The following TRPM3 variants were observed in gnomAD, a reference collection of about 807,000 sequenced individuals.
TRPM3 encodes the protein transient receptor potential cation channel subfamily M member 3.
A neutral mutation model predicts 181.2 loss-of-function variants in TRPM3; 77 were observed. That is an observed-to-expected ratio of 0.42 (90% confidence interval 0.35 to 0.51). The LOEUF is 0.51. Ranked by LOEUF, TRPM3 falls within the 20% of genes least tolerant of loss-of-function variation. The pLI, the probability that TRPM3 is intolerant of heterozygous loss-of-function variation, is 0.01. For missense variants in TRPM3, 1,759 were observed against 2,196.7 expected (o/e 0.80, Z 3.98); for synonymous variants, 745 against 796.4 (o/e 0.94, Z 1.09).
intron 1 of TRPM3, among the ~76,000 whole-genome samples, chr9:71,012,639 A>G (rs1236186769): frequency 6.6e-6 from 1 of 151,934 alleles, no homozygotes; most frequent in African/African-American, 2.4e-5. Flanking sequence ...AGTTTTCCTC[A>G]TACAGAGCTG....
chr9:71,093,501 G>T (rs1160788018), intron 1 of TRPM3, among the ~76,000 whole-genome samples: 1 of 152,048 alleles, frequency 6.6e-6, no homozygotes, highest in Non-Finnish European at 1.5e-5. Context: ...TATCAGCACT[G>T]GTCATTAGTG....
chr9:71,106,764 C>A (rs2069684617), intron 1 of TRPM3, among the ~76,000 whole-genome samples: 2 of 152,146 alleles, frequency 1.3e-5, no homozygotes, highest in South Asian at 4.1e-4. Flanking sequence ...TGTTATCATT[C>A]TGGATGAAAA....
chr9:70,921,111 G>A (rs1465267957), intron 1 of TRPM3, among the ~76,000 whole-genome samples: 1 of 152,050 alleles, frequency 6.6e-6, no homozygotes, highest in Non-Finnish European at 1.5e-5. Flanking sequence ...TCATGCTCAC[G>A]TCCTCTTCAT....
At chr9:71,200,731 T>A (rs1350489860) in intron 1 of TRPM3, among the ~76,000 whole-genome samples, 1 of 152,234 alleles carries the variant, frequency 6.6e-6, no homozygotes, top group Admixed American at 6.5e-5. Flanking sequence ...GCTTGGTAGA[T>A]CTTCCTCCAT....
At chr9:70,741,667 T>C (rs1394275205) in intron 8 of TRPM3, among the ~76,000 whole-genome samples, 2 of 152,184 alleles carry the variant, frequency 1.3e-5, no homozygotes, top group East Asian at 3.9e-4. Context: ...AATGATGGCA[T>C]TCATAGCAAC....
chr9:71,220,024 A>T (rs1228378413), intron 1 of TRPM3, among the ~76,000 whole-genome samples: 1 of 152,198 alleles, frequency 6.6e-6, no homozygotes, highest in Non-Finnish European at 1.5e-5. Context: ...TTCACTAGTG[A>T]GAAAGAAGTT....
At chr9:70,618,087 TTCTG>T (rs918819702) in intron 17 of TRPM3, among the ~76,000 whole-genome samples, 165 of 152,274 alleles carry the variant, frequency 1.1e-3, no homozygotes, top group African/African-American at 3.7e-3. Flanking sequence ...TCCCATTTTT[TTCTG>T]TCTTTCTTTT....
In TRPM3 at chr9:70,864,525, C is replaced by CAAAAAAAA. The variant is rs71367234; in HGVS notation, c.178-22_178-15dup. The CAAAAAAAA allele has an allele frequency of 1.8e-3, 1,603 of 898,754 alleles. 2 individuals are homozygous for CAAAAAAAA. The highest frequency in any genetic ancestry group is 7.4e-3 in the South Asian group (194 of 26,204). 55.7% of individuals were successfully genotyped at this position (898,754 alleles called of 1,614,324 possible). ...GGATTTCTGAGCCTGAAAAAGAAAA[C>CAAAAAAAA]AAAAAAAAAAAAAAAAGAAAAAAGA... On this transcript the variant is annotated splice_polypyrimidine_tract_variant and intron_variant, in intron 1 of 25. Transcript: ENST00000677713.
intron 1 of TRPM3, among the ~76,000 whole-genome samples, chr9:70,938,566 G>A (rs1193114313): frequency 2.6e-5 from 4 of 151,842 alleles, no homozygotes; most frequent in Non-Finnish European, 5.9e-5. Context: ...TCCATTGTCA[G>A]CCCCCTTCTC....
Position 70,998,036 on chromosome 9 carries a change from G to A in TRPM3, c.177+123142C>T, listed in dbSNP as rs11142664. ...ATATGCTTTCAAGACTGTTCCGATT[G>A]TTCTCGGGTTATGGGTGTTGCTGAG... On this transcript the variant is annotated intron_variant, in intron 1 of 25. Transcript: ENST00000677713. Among the ~76,000 whole-genome samples the A allele has an allele frequency of 6.6e-5, 10 of 151,522 alleles. No homozygotes were observed. The East Asian group carries it at 1.9e-3, about 29-fold the overall frequency.
At chr9:71,345,559 G>C (rs777069217) in intron 1 of TRPM3, among the ~76,000 whole-genome samples, 2 of 151,868 alleles carry the variant, frequency 1.3e-5, no homozygotes, top group African/African-American at 2.4e-5. Flanking sequence ...TGGACACAGA[G>C]AGGGGAACAT....
At chr9:70,672,111 C>G (rs1172461359) in intron 9 of TRPM3, among the ~76,000 whole-genome samples, 1 of 151,952 alleles carries the variant, frequency 6.6e-6, no homozygotes, top group Non-Finnish European at 1.5e-5. Flanking sequence ...TTTCTTTCCC[C>G]CTCTCCTGGT....
chr9:71,069,089 A>G (rs1012013533), intron 1 of TRPM3, among the ~76,000 whole-genome samples: 1 of 152,238 alleles, frequency 6.6e-6, no homozygotes. Flanking sequence ...CATACTGCAG[A>G]AAAACATATA....
At chr9:70,603,683 A>G (rs1226717943) in intron 19 of TRPM3, among the ~76,000 whole-genome samples, 1 of 152,208 alleles carries the variant, frequency 6.6e-6, no homozygotes, top group Non-Finnish European at 1.5e-5. Context: ...TGACCTGTAC[A>G]TGTATCTCTG....
At chr9:71,265,320 T>C (rs1269520620) in intron 1 of TRPM3, among the ~76,000 whole-genome samples, 1 of 152,222 alleles carries the variant, frequency 6.6e-6, no homozygotes, top group South Asian at 2.1e-4. Context: ...CTTTCCGACA[T>C]TAACTTAAGT....
At chr9:71,082,775 G>C (rs1200823769) in intron 1 of TRPM3, among the ~76,000 whole-genome samples, 3 of 152,074 alleles carry the variant, frequency 2.0e-5, no homozygotes, top group Non-Finnish European at 2.9e-5. Context: ...TGTAACCAAG[G>C]GGGTGGTTTT....
intron 8 of TRPM3, among the ~76,000 whole-genome samples, chr9:70,737,606 T>A (rs372801917): frequency 3.9e-5 from 5 of 127,632 alleles, no homozygotes; most frequent in Non-Finnish European, 8.2e-5. Flanking sequence ...ACCAACCAAG[T>A]ATTTGTTATC....
chr9:71,062,344 A>G (rs2061421660), intron 1 of TRPM3, among the ~76,000 whole-genome samples: 1 of 152,106 alleles, frequency 6.6e-6, no homozygotes, highest in Non-Finnish European at 1.5e-5. Context: ...TTATGTCTTC[A>G]TATTAAGCCA....
At chr9:70,939,096 C>T (rs1014175037) in intron 1 of TRPM3, among the ~76,000 whole-genome samples, 1 of 152,220 alleles carries the variant, frequency 6.6e-6, no homozygotes, top group Non-Finnish European at 1.5e-5. Flanking sequence ...CTCTCCTCCT[C>T]TGTGAAAGGT....
Sources: gnomAD v4.1 joint callset for allele counts (sites outside exome capture counted in the v4.1 genomes callset) on GRCh38, gnomAD v4.1.1 for gene constraint, MANE v1.5 for transcripts, NCBI Gene and HGNC (gene_info 2026-07-23, HGNC 2026-07-21) for gene names.